Variants in PPP1R18 observed in about 807,000 individuals in gnomAD.
The protein encoded by PPP1R18 is protein phosphatase 1 regulatory subunit 18.
In PPP1R18, 31 loss-of-function variants were observed where a neutral mutation model predicts 54.8. The observed-to-expected ratio is 0.57, with a 90% CI of 0.43 to 0.76. The LOEUF (loss-of-function observed/expected upper bound fraction) is 0.76. Among genes scored for constraint, PPP1R18 ranks in the 30% least tolerant of loss-of-function variants. The pLI is 0.00. For synonymous variants in PPP1R18, 310 were observed against 320.2 expected (o/e 0.97, Z 0.34); for missense variants, 685 against 776.1 (o/e 0.88, Z 1.39).
chr6:30,688,151 G>A (rs1488671090), upstream of PPP1R18: 1 of 161,386 alleles, frequency 6.2e-6, no homozygotes, highest in African/African-American at 2.4e-5. The surrounding 1 kb of genome is among the most constrained non-coding windows in gnomAD (Gnocchi z 5.9). Flanking sequence ...CCTTGACTAG[G>A]TTGGGGTCTG....
In PPP1R18 at chr6:30,686,205, C is replaced by A; in HGVS notation, c.-187G>T. 1 of 563,404 alleles carries A rather than the reference C, an allele frequency of 1.8e-6. No homozygotes were observed. The highest frequency in any genetic ancestry group is 3.0e-6 in the Non-Finnish European group (1 of 330,434). The allele number at this position is 563,404 out of a possible 1,614,324, so 34.9% of individuals were successfully genotyped here. On this transcript the variant is annotated 5_prime_UTR_variant, in exon 1 of 3. Transcript: ENST00000274853. ...AGAGGGAAAGACGGAAGGCAGAGAA[C>A]TGGGGAAATGGAAAAAGTGAAGAGA...
chr6:30,678,152 C>T (rs551515384), intron 2 of PPP1R18, among the ~76,000 whole-genome samples: 11 of 152,078 alleles, frequency 7.2e-5, no homozygotes, highest in Admixed American at 5.9e-4. Context: ...CTTGAGTGAT[C>T]CACCTGCCTC....
In PPP1R18 at chr6:30,679,301, G is replaced by C; in HGVS notation, c.1700C>G (p.Pro567Arg). The C allele has an allele frequency of 6.5e-7, 1 of 1,548,848 alleles. No homozygotes were observed. Among genetic ancestry groups the C allele is most frequent in the Non-Finnish European group, 8.7e-7 (1 of 1,146,670 alleles). The change falls in exon 2 of 3, where the codon CCT becomes CGT. Residue 567 changes from proline to arginine, a missense_variant. Transcript: ENST00000274853. ...SSVLEELGPE[P>R]EVPSAPNPPA... ...AGGGTTGGGGGCACTGGGGACCTCA[G>C]GCTCCGGGCCCAGCTCCTCCAGTAC...
rs1378621138 is a variant in PPP1R18 at position 30,683,768 on chromosome 6, T to C, written c.1611+640A>G. On this transcript the variant is annotated intron_variant, in intron 1 of 2. Coordinates refer to ENST00000274853, the MANE Select transcript of PPP1R18 (RefSeq NM_133471.4). This position sits in a 1 kb window ranked among gnomAD's most constrained non-coding sequence, Gnocchi z 5.1. ...CCACTTCAAATGGCCTCTCTGTGTCTCTCCCATGGGGCAGACTCGGGGTTC... is the reference window on the plus strand; with the variant it reads ...CCACTTCAAATGGCCTCTCTGTGTCCCTCCCATGGGGCAGACTCGGGGTTC... Among the ~76,000 whole-genome samples, 1 of 152,016 alleles carries C rather than the reference T, an allele frequency of 6.6e-6. No individual in the cohort carries two copies. The highest frequency in any genetic ancestry group is 1.5e-5 in the Non-Finnish European group (1 of 67,990).
rs1412207156 is a variant in PPP1R18 at position 30,677,143 on chromosome 6, G to C, written c.*126C>G. The stretch of plus-strand genomic sequence containing the variant: ...CCCAGAAACAGGGTGGGGAAAGCAA[G>C]TTACAAGATGTTGGTTGCCCTTCCC... On this transcript the variant is annotated 3_prime_UTR_variant, in exon 3 of 3. Coordinates refer to ENST00000274853, the MANE Select transcript of PPP1R18 (RefSeq NM_133471.4). 9.9e-6 allele frequency: 9 copies of C among 910,258 alleles called. 1 individual carries two copies. The South Asian group carries it at 1.2e-4, about 12-fold the overall frequency. 56.4% of individuals were successfully genotyped at this position (910,258 alleles called of 1,614,324 possible). A position where few individuals can be genotyped will look rare whatever the true frequency, so the allele number is the denominator to read the frequency against.
At chr6:30,686,999 A>G (rs887476755), upstream of PPP1R18, 1 of 152,564 alleles carries the variant, frequency 6.6e-6, no homozygotes, top group Non-Finnish European at 1.5e-5. Flanking sequence ...GTAGCCGCAC[A>G]GACTGACAAT....
In PPP1R18 at chr6:30,684,257, G is replaced by A. The variant is rs539257639; in HGVS notation, c.1611+151C>T. 22 of 727,898 alleles carry A rather than the reference G, an allele frequency of 3.0e-5. No individual in the cohort carries two copies. In the Admixed American group the frequency reaches 7.8e-4, roughly 26 times the overall value. The allele number at this position is 727,898 out of a possible 1,614,324, so 45.1% of individuals were successfully genotyped here. A position where few individuals can be genotyped will look rare whatever the true frequency, so the allele number is the denominator to read the frequency against. ...AAGGAGGGCTCTGAGAAGGAAGGGT[G>A]TATGTGCAGAGCGAGGAAGGGTGGT... is the stretch of plus-strand genomic sequence containing the variant. On this transcript the variant is annotated intron_variant, in intron 1 of 2. Coordinates refer to ENST00000274853, the MANE Select transcript of PPP1R18 (RefSeq NM_133471.4). The surrounding 1 kb of genome is among the most constrained non-coding windows in gnomAD (Gnocchi z 6.0).
In PPP1R18 at chr6:30,685,905, G is replaced by A. The variant is rs754203397; in HGVS notation, c.114C>T (p.Ala38=). 1 of 1,610,336 alleles carries A rather than the reference G, an allele frequency of 6.2e-7. No individual in the cohort carries two copies. The part of the protein sequence containing the change: ...AERERLSQMP[A]WKRGLLERRR... ...GGCGCTCCAGGAGCCCTCGTTTCCA[G>A]GCTGGCATCTGGGACAGGCGCTCCC... Residue 38 remains alanine, a synonymous_variant, in exon 1 of 3, where the codon GCC becomes GCT. Transcript: ENST00000274853. The surrounding 1 kb of genome is among the most constrained non-coding windows in gnomAD (Gnocchi z 5.0).
At position 30,685,770 on chromosome 6, in the gene PPP1R18, C is replaced by T; in HGVS notation, c.249G>A (p.Gly83=). The part of the protein sequence containing the change: ...DESAVLLEAI[G]PVHQNRFIRQ... ...GGATGAATCGGTTCTGGTGCACTGG[C>T]CCGATGGCCTCCAGAAGGACCGCAG... Residue 83 remains glycine (G), a synonymous_variant, in exon 1 of 3, where the codon GGG becomes GGA. Transcript: ENST00000274853. The surrounding 1 kb of genome is among the most constrained non-coding windows in gnomAD (Gnocchi z 5.0). 3 of 1,613,044 alleles carry T rather than the reference C, an allele frequency of 1.9e-6. No homozygotes were observed. Among genetic ancestry groups the T allele is most frequent in the Non-Finnish European group, 2.5e-6 (3 of 1,179,996 alleles).
rs1770653696 is a variant in PPP1R18, at chr6:30,683,139, C to T, written c.1611+1269G>A. 6.6e-6 allele frequency among the ~76,000 whole-genome samples: 1 copy of T among 152,164 alleles called. No individual in the cohort carries two copies. Among genetic ancestry groups the T allele is most frequent in the South Asian group, 2.1e-4 (1 of 4,830 alleles). Reference sequence around the variant, plus strand: ...CCAAGGCTTAACCCGTATCTTTAGTCCCTGTGGTTCCCCACTGACACTGAG... The same window carrying T: ...CCAAGGCTTAACCCGTATCTTTAGTTCCTGTGGTTCCCCACTGACACTGAG... On this transcript the variant is annotated intron_variant, in intron 1 of 2. Coordinates refer to ENST00000274853, the MANE Select transcript of PPP1R18 (RefSeq NM_133471.4). The surrounding 1 kb of genome is among the most constrained non-coding windows in gnomAD (Gnocchi z 5.1).
intron 2 of PPP1R18, among the ~76,000 whole-genome samples, chr6:30,678,273 A>G (rs911669008): frequency 5.3e-5 from 8 of 151,550 alleles, no homozygotes; most frequent in Non-Finnish European, 1.0e-4. Flanking sequence ...TGGGTGGTGC[A>G]ATATTGGTTC....
chr6:30,684,269 C>T lies in PPP1R18; in HGVS notation c.1611+139G>A, dbSNP rs1259744132. The T allele has an allele frequency of 2.4e-5, 20 of 838,442 alleles. No homozygotes were observed. In the Middle Eastern group the frequency reaches 1.6e-3, roughly 68 times the overall value. The allele number at this position is 838,442 out of a possible 1,614,324, so 51.9% of individuals were successfully genotyped here. The stretch of plus-strand genomic sequence containing the variant: ...GAGAAGGAAGGGTGTATGTGCAGAG[C>T]GAGGAAGGGTGGTGGCAGGAATTAA... On this transcript the variant is annotated intron_variant, in intron 1 of 2. Coordinates refer to ENST00000274853, the MANE Select transcript of PPP1R18 (RefSeq NM_133471.4). This position sits in a 1 kb window ranked among gnomAD's most constrained non-coding sequence, Gnocchi z 6.0.
rs1770669987 is a variant in PPP1R18 at position 30,683,404 on chromosome 6, G to A, written c.1611+1004C>T. Among the ~76,000 whole-genome samples, 1 of 152,198 alleles carries A rather than the reference G, an allele frequency of 6.6e-6. No individual in the cohort carries two copies. The highest frequency in any genetic ancestry group is 2.1e-4 in the South Asian group (1 of 4,836). ...TGCCCCCACTTTCCTGCAGGTCTTT[G>A]TTGCAAGTCTAACCTCTGACCCTCT... On this transcript the variant is annotated intron_variant, in intron 1 of 2. Coordinates refer to ENST00000274853, the MANE Select transcript of PPP1R18 (RefSeq NM_133471.4). This position sits in a 1 kb window ranked among gnomAD's most constrained non-coding sequence, Gnocchi z 5.1.
Position 30,676,482 on chromosome 6 carries a change from A to G in PPP1R18, c.*787T>C, listed in dbSNP as rs1372670229. 2 of 152,266 alleles carry G rather than the reference A, an allele frequency of 1.3e-5. No individual in the cohort carries two copies. Among genetic ancestry groups the G allele is most frequent in the African/African-American group, 4.8e-5 (2 of 41,458 alleles). 9.4% of individuals were successfully genotyped at this position (152,266 alleles called of 1,614,324 possible). A position where few individuals can be genotyped will look rare whatever the true frequency, so the allele number is the denominator to read the frequency against. The stretch of plus-strand genomic sequence containing the variant: ...GCGGCACAATGGGGAAGGAGAGGTG[A>G]GGTGTCTCCTTAGCCACCCGACACC... On this transcript the variant is annotated 3_prime_UTR_variant, in exon 3 of 3. Transcript: ENST00000274853.
At chr6:30,682,947 CG>C (rs1471473750) in intron 1 of PPP1R18, among the ~76,000 whole-genome samples, 10 of 152,192 alleles carry the variant, frequency 6.6e-5, no homozygotes, top group Non-Finnish European at 1.3e-4. Context: ...ACACCTCACC[CG>C]GGTAGCATTT....
At chr6:30,681,084 CAAAAAAA>C (rs536726905) in intron 1 of PPP1R18, among the ~76,000 whole-genome samples, 5 of 76,552 alleles carry the variant, frequency 6.5e-5, no homozygotes, top group African/African-American at 1.2e-4. Context: ...GACTCTGTCT[CAAAAAAA>C]AAAAAAAAAA....
chr6:30,684,870 C>T lies in PPP1R18; in HGVS notation c.1149G>A (p.Ala383=), dbSNP rs745874872. 1.4e-5 allele frequency: 22 copies of T among 1,612,784 alleles called. No individual in the cohort carries two copies. The highest frequency in any genetic ancestry group is 3.3e-4 in the Middle Eastern group (2 of 6,082). The change falls in exon 1 of 3, where the codon GCG becomes GCA. Residue 383 remains alanine (A), a synonymous_variant. Coordinates refer to ENST00000274853, the MANE Select transcript of PPP1R18 (RefSeq NM_133471.4). This position sits in a 1 kb window ranked among gnomAD's most constrained non-coding sequence, Gnocchi z 6.0. The part of the protein sequence containing the change: ...AGEGEAEKEE[A]GAQGRPLRAL... ...CTCTCAGAGGCCTGCCCTGAGCCCC[C>T]GCCTCCTCCTTCTCAGCCTCCCCTT...
upstream of PPP1R18, chr6:30,686,658 TC>T (rs1770971304): frequency 6.5e-6 from 1 of 153,602 alleles, no homozygotes; most frequent in South Asian, 2.0e-4. Flanking sequence ...GCCCCAAAGG[TC>T]CCGGCTCCGC....
chr6:30,685,184 T>C lies in PPP1R18; in HGVS notation c.835A>G (p.Lys279Glu). 1 of 1,613,076 alleles carries C rather than the reference T, an allele frequency of 6.2e-7. No homozygotes were observed. Among genetic ancestry groups the C allele is most frequent in the Non-Finnish European group, 8.5e-7 (1 of 1,180,036 alleles). The change falls in exon 1 of 3, where the codon AAA becomes GAA. Residue 279 changes from lysine to glutamate, a missense_variant. Lys to Glu is a moderately conservative substitution (Grantham distance 56, BLOSUM62 1). Transcript: ENST00000274853. This position sits in a 1 kb window ranked among gnomAD's most constrained non-coding sequence, Gnocchi z 5.0. ...ACCCCTGGAACTGGCCACTCTTCTT[T>C]TCTCCCACATTCTTCCGAGTAGTCT... ...RQDYSEECGR[K>E]EEWPVPGVAP...
Sources: gnomAD v4.1 joint callset for allele counts (sites outside exome capture counted in the v4.1 genomes callset) on GRCh38, gnomAD v4.1.1 for gene constraint, Gnocchi (gnomAD v3.1) non-coding constraint, MANE v1.5 for transcripts, NCBI Gene and HGNC (gene_info 2026-07-23, HGNC 2026-07-21) for gene names.